The following TMEM272 variants were observed in gnomAD, a reference collection of about 807,000 sequenced individuals.
TMEM272 encodes long intergenic non-protein coding RNA 282.
In TMEM272, 8 loss-of-function variants were observed where a neutral mutation model predicts 3.7. The ratio of observed to expected loss-of-function variants is 2.17; its 90% CI spans 1.27 to 3.91. The LOEUF (loss-of-function observed/expected upper bound fraction) is 3.91. Among genes scored for constraint, TMEM272 ranks in the 30% most tolerant of loss-of-function variants. The pLI is 0.00. For missense variants in TMEM272, 166 were observed against 91.5 expected (o/e 1.81, Z -3.32); for synonymous variants, 63 against 39.8 (o/e 1.58, Z -2.20).
At chr13:51,849,381 T>A (rs1956321023), upstream of TMEM272, among the ~76,000 whole-genome samples, 1 of 152,228 alleles carries the variant, frequency 6.6e-6, no homozygotes, top group Non-Finnish European at 1.5e-5. Flanking sequence ...GATGTGGCAT[T>A]TCAGTTTTGC....
At chr13:51,909,791 C>T in the TMEM272 span, 1 of 1,586,292 alleles carries the variant, frequency 6.3e-7, no homozygotes, top group Non-Finnish European at 8.6e-7. Context: ...GCACAGCAGC[C>T]TGATCTTTGA....
the TMEM272 span, among the ~76,000 whole-genome samples, chr13:51,913,614 G>C: frequency 6.6e-6 from 1 of 152,164 alleles, no homozygotes; most frequent in African/African-American, 2.4e-5. Flanking sequence ...AGGCTACAGG[G>C]CTTGGGGCAG....
At chr13:51,885,049 G>A in the TMEM272 span, among the ~76,000 whole-genome samples, 1 of 152,202 alleles carries the variant, frequency 6.6e-6, no homozygotes, top group Non-Finnish European at 1.5e-5. Flanking sequence ...GTCAAAGTCA[G>A]TCATGGTAAT....
At chr13:51,926,162 A>ATG in the TMEM272 span, among the ~76,000 whole-genome samples, 2 of 151,132 alleles carry the variant, frequency 1.3e-5, no homozygotes, top group Admixed American at 1.3e-4. Context: ...TGTGTGGTGT[A>ATG]TGTGTGTGTG....
At chr13:51,848,086 G>A (rs1956315160), upstream of TMEM272, among the ~76,000 whole-genome samples, 1 of 152,114 alleles carries the variant, frequency 6.6e-6, no homozygotes, top group South Asian at 2.1e-4. Context: ...GAAAAACGGG[G>A]AATCTGATAT....
chr13:51,910,294 A>C, the TMEM272 span: 1 of 1,424,458 alleles, frequency 7.0e-7, no homozygotes, highest in Non-Finnish European at 9.9e-7. Context: ...TCTAAAGATG[A>C]CTCTACTTCA....
chr13:51,904,629 C>A, the TMEM272 span, among the ~76,000 whole-genome samples: 1,749 of 152,194 alleles, frequency 0.011, 21 homozygotes, highest in Middle Eastern at 0.017. Context: ...TTGAGCAATC[C>A]AAAAATCTGA....
At chr13:51,901,062 T>C in the TMEM272 span, among the ~76,000 whole-genome samples, 3 of 152,202 alleles carry the variant, frequency 2.0e-5, no homozygotes, top group Admixed American at 2.0e-4. Flanking sequence ...TCTATGAATA[T>C]ACCAAAAACC....
chr13:51,857,480 GACA>G, the TMEM272 span, among the ~76,000 whole-genome samples: 1 of 152,020 alleles, frequency 6.6e-6, no homozygotes, highest in South Asian at 2.1e-4. Context: ...TAAAATTTAT[GACA>G]ACAAAATGAA....
the TMEM272 span, among the ~76,000 whole-genome samples, chr13:51,894,482 C>A: frequency 6.6e-6 from 1 of 152,180 alleles, no homozygotes; most frequent in African/African-American, 2.4e-5. Flanking sequence ...ACCCTTGGAG[C>A]CAATCACTGC....
intron 4 of TMEM272, among the ~76,000 whole-genome samples, chr13:51,817,468 T>C (rs1340547654): frequency 1.3e-5 from 2 of 152,130 alleles, no homozygotes; most frequent in African/African-American, 4.8e-5. Context: ...GCTAGCACAT[T>C]TGCACCCACA....
At chr13:51,912,720 C>T in the TMEM272 span, among the ~76,000 whole-genome samples, 5 of 152,180 alleles carry the variant, frequency 3.3e-5, no homozygotes, top group Non-Finnish European at 5.9e-5. Context: ...CTGACCCCTG[C>T]TCATCCACCC....
At chr13:51,926,151 G>A in the TMEM272 span, among the ~76,000 whole-genome samples, 1 of 151,918 alleles carries the variant, frequency 6.6e-6, no homozygotes, top group Non-Finnish European at 1.5e-5. Flanking sequence ...GGTATGTGGT[G>A]TGTGTGGTGT....
chr13:51,898,234 T>TAAATAAATA, the TMEM272 span, among the ~76,000 whole-genome samples: 2 of 150,662 alleles, frequency 1.3e-5, no homozygotes, highest in Non-Finnish European at 3.0e-5. Flanking sequence ...AATAAATAAA[T>TAAATAAATA]AAATAAAATA....
At chr13:51,851,451 A>ATTTT in the TMEM272 span, among the ~76,000 whole-genome samples, 18 of 142,684 alleles carry the variant, frequency 1.3e-4, no homozygotes, top group African/African-American at 4.7e-4. Flanking sequence ...ATTTGTAGTC[A>ATTTT]TTTTTTTTTT....
the TMEM272 span, among the ~76,000 whole-genome samples, chr13:51,931,015 C>G: frequency 6.6e-6 from 1 of 152,038 alleles, no homozygotes. Flanking sequence ...AATCCCATCA[C>G]AATTCTTCAC....
the TMEM272 span, among the ~76,000 whole-genome samples, chr13:51,891,366 C>A: frequency 3.3e-5 from 5 of 152,110 alleles, 1 homozygote; most frequent in African/African-American, 1.2e-4. Context: ...TTTGCCATTA[C>A]CTGACAGATT....
the TMEM272 span, among the ~76,000 whole-genome samples, chr13:51,900,410 CA>C: frequency 2.0e-5 from 3 of 152,112 alleles, no homozygotes; most frequent in Non-Finnish European, 2.9e-5. Context: ...AAATACAAAT[CA>C]AAACCACAAT....
the TMEM272 span, among the ~76,000 whole-genome samples, chr13:51,905,735 T>C: frequency 6.6e-6 from 1 of 152,184 alleles, no homozygotes; most frequent in African/African-American, 2.4e-5. Flanking sequence ...TACACCTTGG[T>C]TTCCAAAGAA....
Sources: allele counts gnomAD v4.1 joint callset (sites outside exome capture counted in the v4.1 genomes callset), GRCh38; gene constraint gnomAD v4.1.1; transcripts MANE v1.5; gene names NCBI Gene and HGNC (gene_info 2026-07-23, HGNC 2026-07-21).